DMD: variants seen among roughly 807,000 people sequenced by gnomAD.
DMD encodes dystrophin.
A neutral mutation model predicts 330.1 loss-of-function variants in DMD; 63 were observed. That is an observed-to-expected ratio of 0.19 (90% CI 0.16 to 0.24). The LOEUF (loss-of-function observed/expected upper bound fraction) is 0.24, where lower values mean the gene tolerates loss of function less well. DMD is among the 10% of genes least tolerant of loss of function. The probability of loss-of-function intolerance (pLI) is 1.00; values close to 1 mark genes in which losing one functional copy is unlikely to be tolerated. For synonymous variants in DMD, 1,223 were observed against 959.8 expected, an observed-to-expected ratio of 1.27 and a Z score of -5.07; for missense variants, 3,344 against 2,684.1, an observed-to-expected ratio of 1.25 and a Z score of -5.43.
At chrX:32,246,618 T>C (rs1212748179) in intron 43 of DMD, among the ~76,000 whole-genome samples, 14 of 93,054 alleles carry the variant, frequency 1.5e-4, no homozygotes, top group African/African-American at 5.6e-4. Flanking sequence ...TGGTAAGCTA[T>C]TGATTATTGC....
Position 32,949,338 on chromosome X carries a change from GTAGGTAGA to G in DMD, c.93+70793_93+70800del, listed in dbSNP as rs1254274971. Among the ~76,000 whole-genome samples the G allele has an allele frequency of 7.1e-3, 576 of 80,860 alleles. 1 individual carries two copies. The highest frequency in any genetic ancestry group is 9.2e-3 in the African/African-American group (192 of 20,976). The allele number at this position is 80,860 out of a possible 115,157, so 70.2% of individuals were successfully genotyped here. ...ATAGATAGATTAGATAGGTAGGTAG[GTAGGTAGA>G]TAGATAGATAGATAGATAGATAGAT... On this transcript the variant is annotated intron_variant, in intron 2 of 78. Coordinates refer to ENST00000357033, the MANE Select transcript of DMD (RefSeq NM_004006.3).
At chrX:31,849,381 C>T (rs2093481821) in intron 48 of DMD, among the ~76,000 whole-genome samples, 1 of 110,763 alleles carries the variant, frequency 9.0e-6, no homozygotes, top group Non-Finnish European at 1.9e-5. Context: ...TAATGGAGCA[C>T]AGAGCAGGAA....
rs778303577 is a variant in DMD, at chrX:31,627,851, C to A, written c.8039G>T (p.Arg2680Leu). The part of the protein sequence containing the change: ...WRSIHKRVSE[R>L]EAALEETHRL... ...ATGAGTTTCTTCCAAAGCAGCCTCT[C>A]GCTCACTCACCCTGCAAAGGACCAA... is the stretch of plus-strand genomic sequence containing the variant. The change falls in exon 55 of 79, where the codon CGA becomes CTA. Residue 2680 changes from arginine to leucine, a missense_variant. Coordinates refer to ENST00000357033, the MANE Select transcript of DMD (RefSeq NM_004006.3). 2 of 1,207,516 alleles carry A rather than the reference C, an allele frequency of 1.7e-6. No homozygotes were observed. The highest frequency in any genetic ancestry group is 3.6e-5 in the South Asian group (2 of 56,262).
rs781441742 is a variant in DMD, at chrX:32,938,379, C to A, written c.93+81760G>T. ...ATATTTTCCCTTGCATTTCAGAGTC[C>A]TTATCAGTATTCAAAGGACTGTAGA... On this transcript the variant is annotated intron_variant, in intron 2 of 78. Transcript: ENST00000357033. Among the ~76,000 whole-genome samples, 10 of 111,543 alleles carry A rather than the reference C, an allele frequency of 9.0e-5. No individual in the cohort carries two copies. In the South Asian group the frequency reaches 3.8e-3, roughly 42 times the overall value.
At chrX:32,234,817 TC>T (rs1366964225) in intron 43 of DMD, among the ~76,000 whole-genome samples, 1 of 111,757 alleles carries the variant, frequency 8.9e-6, no homozygotes, top group African/African-American at 3.3e-5. Flanking sequence ...GTATTTGGTG[TC>T]CTCTTTACCT....
intron 55 of DMD, chrX:31,508,264 ACT>A: frequency 8.3e-7 from 1 of 1,205,137 alleles, no homozygotes; most frequent in Non-Finnish European, 1.1e-6. Context: ...GCACTACAGC[ACT>A]GATCCTGTTG....
intron 44 of DMD, among the ~76,000 whole-genome samples, chrX:32,109,184 T>A (rs181735970): frequency 8.9e-6 from 1 of 111,778 alleles, no homozygotes; most frequent in African/African-American, 3.2e-5. Flanking sequence ...CTGCTCAGTT[T>A]TTGGAATGCT....
intron 1 of DMD, among the ~76,000 whole-genome samples, chrX:33,303,998 T>C (rs1276037723): frequency 2.7e-5 from 3 of 111,687 alleles, no homozygotes; most frequent in Non-Finnish European, 3.8e-5. Context: ...AATCAGTGAA[T>C]CTTCTGAAGT....
chrX:32,844,694 A>G, intron 4 of DMD, 89 bp downstream of exon 4: 1 of 782,211 alleles, frequency 1.3e-6, no homozygotes, highest in Non-Finnish European at 2.0e-6. Context: ...AATTTGAAAT[A>G]CTTTCTCTGC....
intron 2 of DMD, among the ~76,000 whole-genome samples, chrX:32,866,306 A>T (rs1357000635): frequency 8.9e-6 from 1 of 112,161 alleles, no homozygotes; most frequent in Non-Finnish European, 1.9e-5. Flanking sequence ...TGGCTAACAT[A>T]TGTATTTGAA....
At chrX:32,274,331 G>A (rs1264419315) in intron 43 of DMD, among the ~76,000 whole-genome samples, 1 of 111,982 alleles carries the variant, frequency 8.9e-6, no homozygotes. Flanking sequence ...AAAGACTGGG[G>A]ATATTGATCT....
chrX:32,572,400 G>A (rs1012716806), intron 15 of DMD, among the ~76,000 whole-genome samples: 12 of 111,220 alleles, frequency 1.1e-4, no homozygotes, highest in African/African-American at 3.6e-4. Context: ...TTTTATAAAA[G>A]TTCATATCAA....
rs777204774 is a variant in DMD at position 32,271,155 on chromosome X, A to G, written c.6290+16374T>C. 8.9e-5 allele frequency among the ~76,000 whole-genome samples: 10 copies of G among 111,972 alleles called. No individual in the cohort carries two copies. The South Asian group carries it at 3.7e-3, about 41-fold the overall frequency. ...CTTGGTTTTCAAGTACTATGCTATA[A>G]TTTTGAATATTACAGAAAGACAAGT... On this transcript the variant is annotated intron_variant, in intron 43 of 78. Transcript: ENST00000357033.
intron 12 of DMD, among the ~76,000 whole-genome samples, chrX:32,609,881 C>T (rs1245439241): frequency 1.8e-5 from 2 of 111,294 alleles, no homozygotes; most frequent in African/African-American, 6.5e-5. Context: ...AAGTCTAAAT[C>T]TCTCAAAAGA....
At position 32,463,410 on chromosome X, in the gene DMD, C is replaced by A. The variant is rs746488869; in HGVS notation, c.3432+29G>T. The A allele has an allele frequency of 4.3e-6, 5 of 1,166,397 alleles. No individual in the cohort carries two copies. The South Asian group carries it at 6.2e-5, about 14-fold the overall frequency. The stretch of plus-strand genomic sequence containing the variant: ...GAAATCTTAGTTAAGTACGTTGAGG[C>A]AAGCCACAGTGAAAGAGATTGTCTA... On this transcript the variant is annotated intron_variant, in intron 25 of 78. Transcript: ENST00000357033.
At chrX:32,017,023 A>G (rs962414004) in intron 44 of DMD, among the ~76,000 whole-genome samples, 1 of 112,258 alleles carries the variant, frequency 8.9e-6, no homozygotes, top group Non-Finnish European at 1.9e-5. Flanking sequence ...CTCCCATAAA[A>G]TGCTTGGGGA....
At chrX:32,560,098 T>C (rs1010583012) in intron 16 of DMD, among the ~76,000 whole-genome samples, 3 of 110,110 alleles carry the variant, frequency 2.7e-5, no homozygotes, top group Admixed American at 9.8e-5. Flanking sequence ...TGAACCTTAA[T>C]AAGTCATACA....
chrX:31,727,690 C>A (rs1216534081), intron 52 of DMD, among the ~76,000 whole-genome samples: 3 of 111,867 alleles, frequency 2.7e-5, no homozygotes. Flanking sequence ...AGTAAGCCTC[C>A]AAGATTTGGG....
intron 55 of DMD, among the ~76,000 whole-genome samples, chrX:31,583,501 T>C (rs2076434880): frequency 9.0e-6 from 1 of 110,981 alleles, no homozygotes. Context: ...GGTAGGCTAT[T>C]GATTTTCTTA....
Sources: gnomAD v4.1 joint callset for allele counts (sites outside exome capture counted in the v4.1 genomes callset) on GRCh38, gnomAD v4.1.1 for gene constraint, MANE v1.5 for transcripts, NCBI Gene and HGNC (gene_info 2026-07-23, HGNC 2026-07-21) for gene names.